Variants in CACNA1E observed in about 807,000 individuals in gnomAD.
CACNA1E encodes voltage-dependent R-type calcium channel subunit alpha-1E.
A neutral mutation model predicts 259.2 loss-of-function variants in CACNA1E; 40 were observed. The ratio of observed to expected loss-of-function variants is 0.15; its 90% CI spans 0.12 to 0.20. The LOEUF (loss-of-function observed/expected upper bound fraction) is 0.20, where lower values mean the gene tolerates loss of function less well. Ranked by LOEUF, CACNA1E falls within the 10% of genes least tolerant of loss-of-function variation. The pLI is 1.00. For missense variants in CACNA1E, 1,874 were observed against 3,040.1 expected, an observed-to-expected ratio of 0.62 and a Z score of 9.02; for synonymous variants, 1,104 against 1,138.5, an observed-to-expected ratio of 0.97 and a Z score of 0.61.
rs551443653 is a variant in CACNA1E, at chr1:181,734,763, T to C, written c.3262+1013T>C. Among the ~76,000 whole-genome samples, 875 of 120,312 alleles carry C rather than the reference T, an allele frequency of 7.3e-3. 1 individual carries two copies. The highest frequency in any genetic ancestry group is 0.017 in the African/African-American group (505 of 29,012). 78.9% of individuals were successfully genotyped at this position (120,312 alleles called of 152,430 possible). A position where few individuals can be genotyped will look rare whatever the true frequency, so the allele number is the denominator to read the frequency against. ...ACACCCTATCCTTGCCCTGACCCCATACCCCATCCCTGCCCTGACCCCACA... is the reference window on the plus strand; with the variant it reads ...ACACCCTATCCTTGCCCTGACCCCACACCCCATCCCTGCCCTGACCCCACA... On this transcript the variant is annotated intron_variant, in intron 21 of 47. Coordinates refer to ENST00000367573, the MANE Select transcript of CACNA1E (RefSeq NM_001205293.3).
chr1:181,648,041 A>G (rs187058106), intron 6 of CACNA1E, among the ~76,000 whole-genome samples: 8 of 152,202 alleles, frequency 5.3e-5, no homozygotes, highest in African/African-American at 1.9e-4. Context: ...CTTCCCAGCT[A>G]TGCTTTTCTC....
chr1:181,767,589 A>G (rs928669405), intron 35 of CACNA1E, among the ~76,000 whole-genome samples: 2 of 152,176 alleles, frequency 1.3e-5, no homozygotes, highest in Non-Finnish European at 2.9e-5. Context: ...AGCCTTTTCC[A>G]GACCCTTTCT....
At chr1:181,679,626 C>G (rs755832810) in intron 7 of CACNA1E, among the ~76,000 whole-genome samples, 1 of 152,170 alleles carries the variant, frequency 6.6e-6, no homozygotes, top group African/African-American at 2.4e-5. Context: ...AGAGAGGCCA[C>G]ACTCACAAGG....
At chr1:181,611,345 T>C (rs1654735043) in intron 6 of CACNA1E, among the ~76,000 whole-genome samples, 2 of 152,154 alleles carry the variant, frequency 1.3e-5, no homozygotes, top group Non-Finnish European at 2.9e-5. Flanking sequence ...TGGGCACTGC[T>C]CTAAGGAAAG....
chr1:181,475,637 A>C (rs748846315), intron 2 of CACNA1E, among the ~76,000 whole-genome samples: 1 of 152,200 alleles, frequency 6.6e-6, no homozygotes, highest in Non-Finnish European at 1.5e-5. Context: ...AGATAGGTTG[A>C]ATTCTGATTG....
intron 3 of CACNA1E, among the ~76,000 whole-genome samples, chr1:181,548,989 A>G (rs10797724): frequency 0.73 from 111,476 of 152,120 alleles, 43,234 homozygotes; most frequent in Non-Finnish European, 0.87. Flanking sequence ...TCTGAGAAGA[A>G]CAGGCACGTC....
chr1:181,631,864 T>C (rs1405000049), intron 6 of CACNA1E, among the ~76,000 whole-genome samples: 1 of 152,212 alleles, frequency 6.6e-6, no homozygotes, highest in African/African-American at 2.4e-5. Context: ...ATGATCCACA[T>C]GGGCATTCCT....
At position 181,329,526 on chromosome 1, in the gene CACNA1E, C is replaced by T. The variant is rs76844464; in HGVS notation, c.-15+11403C>T. On this transcript the variant is annotated intron_variant, in intron 1 of 11. Coordinates refer to the CACNA1E transcript ENST00000524607. ...AGCTACTCTGGTCTCTTTTAAAACACGCCACACTCTTTCTCACTGCAGGCC... is the reference window on the plus strand; with the variant it reads ...AGCTACTCTGGTCTCTTTTAAAACATGCCACACTCTTTCTCACTGCAGGCC... Among the ~76,000 whole-genome samples, 911 of 152,148 alleles carry T rather than the reference C, an allele frequency of 6.0e-3. 9 individuals are homozygous for T. Among genetic ancestry groups the T allele is most frequent in the Admixed American group, 0.024 (364 of 15,296 alleles).
chr1:181,508,271 C>T (rs1665886336), intron 1 of CACNA1E, among the ~76,000 whole-genome samples: 1 of 152,144 alleles, frequency 6.6e-6, no homozygotes, highest in African/African-American at 2.4e-5. Flanking sequence ...CAGGCTTTCT[C>T]TCATTGGTTG....
intron 1 of CACNA1E, among the ~76,000 whole-genome samples, chr1:181,368,586 C>T (rs551545874): frequency 1.3e-5 from 2 of 152,192 alleles, no homozygotes; most frequent in South Asian, 4.2e-4. Context: ...CTGACATTTT[C>T]CCTCTTCTGT....
In CACNA1E at chr1:181,737,528, C is replaced by A. The variant is rs753233306; in HGVS notation, c.3426C>A (p.Ile1142=). The A allele has an allele frequency of 6.2e-7, 1 of 1,613,730 alleles. No homozygotes were observed. Among genetic ancestry groups the A allele is most frequent in the Non-Finnish European group, 8.5e-7 (1 of 1,179,710 alleles). The change falls in exon 23 of 48, where the codon ATC becomes ATA. Residue 1142 remains isoleucine, a synonymous_variant. Coordinates refer to ENST00000367573, the MANE Select transcript of CACNA1E (RefSeq NM_001205293.3). ...SMFIFSTTNP[I]RRACHYIVNL... The stretch of plus-strand genomic sequence containing the variant: ...CAGCCATGCCCACTGCCCGCAGGAT[C>A]CGGAGGGCCTGCCACTACATCGTGA...
chr1:181,610,436 C>G (rs868527910), intron 6 of CACNA1E, among the ~76,000 whole-genome samples: 1 of 152,210 alleles, frequency 6.6e-6, no homozygotes. Context: ...GCAGCACTTT[C>G]TACTTTGCGT....
chr1:181,362,599 G>A (rs1356123293), intron 1 of CACNA1E, among the ~76,000 whole-genome samples: 1 of 152,178 alleles, frequency 6.6e-6, no homozygotes, highest in Non-Finnish European at 1.5e-5. Flanking sequence ...AATACTGTGA[G>A]CTCTGTAAAA....
chr1:181,737,313 C>T (rs750625923), intron 22 of CACNA1E, among the ~76,000 whole-genome samples: 44 of 152,180 alleles, frequency 2.9e-4, no homozygotes, highest in Admixed American at 2.3e-3. Flanking sequence ...TCTTGGCTTG[C>T]GTGCTGCAGC....
At chr1:181,322,122 T>A (rs969696878) in intron 1 of CACNA1E, among the ~76,000 whole-genome samples, 1 of 152,184 alleles carries the variant, frequency 6.6e-6, no homozygotes, top group Non-Finnish European at 1.5e-5. Flanking sequence ...AGCCCAGTTC[T>A]GGTCTGGAAA....
chr1:181,725,148 G>A (rs748255611), intron 17 of CACNA1E, among the ~76,000 whole-genome samples: 26 of 152,214 alleles, frequency 1.7e-4, no homozygotes, highest in Non-Finnish European at 3.7e-4. Context: ...CTTCACAGAG[G>A]GTGCCAATTT....
At chr1:181,725,854 TATAGC>T (rs1483388976) in intron 17 of CACNA1E, among the ~76,000 whole-genome samples, 23 of 152,360 alleles carry the variant, frequency 1.5e-4, no homozygotes, top group Admixed American at 2.0e-4. Flanking sequence ...CTGGCCACGC[TATAGC>T]TGTGAGACTA....
At chr1:181,671,116 C>T (rs912909298) in intron 7 of CACNA1E, among the ~76,000 whole-genome samples, 4 of 152,218 alleles carry the variant, frequency 2.6e-5, no homozygotes, top group African/African-American at 4.8e-5. Flanking sequence ...TCACTGTAGC[C>T]TCGACCTCCC....
At chr1:181,491,201 C>A (rs1238327173) in intron 1 of CACNA1E, among the ~76,000 whole-genome samples, 7 of 152,206 alleles carry the variant, frequency 4.6e-5, no homozygotes, top group Admixed American at 3.9e-4. Flanking sequence ...AGCGACCATT[C>A]CTTTCAGCAG....
Sources: allele counts gnomAD v4.1 joint callset (sites outside exome capture counted in the v4.1 genomes callset), GRCh38; gene constraint gnomAD v4.1.1; transcripts MANE v1.5; gene names NCBI Gene and HGNC (gene_info 2026-07-23, HGNC 2026-07-21).